Variants in SPATA16 observed in about 807,000 individuals in gnomAD.
SPATA16 encodes spermatogenesis-associated protein 16.
In SPATA16, 36 loss-of-function variants were observed where a neutral mutation model predicts 63.3. The observed-to-expected ratio is 0.57, with a 90% confidence interval of 0.44 to 0.75. The LOEUF is 0.75. SPATA16 is among the 30% of genes least tolerant of loss of function. The pLI, the probability that SPATA16 is intolerant of heterozygous loss-of-function variation, is 0.00. For missense variants in SPATA16, 646 were observed against 679.3 expected (o/e 0.95, Z 0.54); for synonymous variants, 203 against 216.7 (o/e 0.94, Z 0.56).
chr3:172,910,927 C>T (rs1034468921), intron 10 of SPATA16, among the ~76,000 whole-genome samples: 5 of 152,198 alleles, frequency 3.3e-5, no homozygotes, highest in African/African-American at 4.8e-5. Flanking sequence ...GGTGCACTTT[C>T]GTGCCAGTTG....
At chr3:172,930,493 C>T (rs1352535659) in intron 6 of SPATA16, among the ~76,000 whole-genome samples, 1 of 151,974 alleles carries the variant, frequency 6.6e-6, no homozygotes, top group Non-Finnish European at 1.5e-5. Context: ...GTCTAAGTCC[C>T]ATCTAGCTCA....
intron 4 of SPATA16, among the ~76,000 whole-genome samples, chr3:173,013,478 C>G (rs1735115212): frequency 6.6e-6 from 1 of 152,146 alleles, no homozygotes; most frequent in South Asian, 2.1e-4. Context: ...AAAGACTGGG[C>G]CCAGAACAAA....
Position 173,068,076 on chromosome 3 carries a change from T to C in SPATA16, c.613-18982A>G, listed in dbSNP as rs1488366080. Among the ~76,000 whole-genome samples the C allele has an allele frequency of 3.4e-5, 5 of 145,606 alleles. No individual in the cohort carries two copies. The East Asian group carries it at 1.0e-3, about 30-fold the overall frequency. ...GGACTTCATCAACTCTAGGCTGGTC[T>C]TAAAAGAAGTGCTAAAGAAAGTTCT... On this transcript the variant is annotated intron_variant, in intron 2 of 10. Transcript: ENST00000351008.
chr3:173,009,349 T>C (rs1237103792), intron 4 of SPATA16, among the ~76,000 whole-genome samples: 4 of 152,136 alleles, frequency 2.6e-5, no homozygotes, highest in Non-Finnish European at 5.9e-5. Flanking sequence ...GGAATTGCCG[T>C]GTCGTGGGGG....
intron 1 of SPATA16, among the ~76,000 whole-genome samples, chr3:173,128,491 GC>G (rs139613391): frequency 0.022 from 3,405 of 152,130 alleles, 56 homozygotes; most frequent in Non-Finnish European, 0.035. Context: ...TAGGTTCCAG[GC>G]CCCACAGATT....
At chr3:173,114,226 C>T (rs1015221492) in intron 2 of SPATA16, among the ~76,000 whole-genome samples, 1 of 150,544 alleles carries the variant, frequency 6.6e-6, no homozygotes, top group Admixed American at 6.6e-5. Context: ...TCCCTCATAG[C>T]AAGCCTTCTA....
intron 2 of SPATA16, among the ~76,000 whole-genome samples, chr3:173,102,563 C>T (rs1340975169): frequency 3.9e-5 from 6 of 152,078 alleles, no homozygotes; most frequent in East Asian, 1.9e-4. Context: ...TTTTAAACAA[C>T]GAGATCTCAT....
chr3:173,103,933 C>G (rs753659698), intron 2 of SPATA16, among the ~76,000 whole-genome samples: 5 of 152,296 alleles, frequency 3.3e-5, no homozygotes, highest in Middle Eastern at 3.4e-3. Context: ...AGTCATTTAT[C>G]TGCTCCTGCA....
At chr3:173,072,411 A>G (rs1736695954) in intron 2 of SPATA16, among the ~76,000 whole-genome samples, 1 of 152,198 alleles carries the variant, frequency 6.6e-6, no homozygotes, top group Non-Finnish European at 1.5e-5. Flanking sequence ...CTGTGTCCCC[A>G]CCCAAATCTC....
chr3:173,015,873 TG>T, intron 4 of SPATA16, among the ~76,000 whole-genome samples: 1 of 151,868 alleles, frequency 6.6e-6, no homozygotes, highest in Non-Finnish European at 1.5e-5. Context: ...TGTGTGTGTG[TG>T]TGTGTGTGTG....
chr3:173,039,642 G>A (rs1735793173), intron 3 of SPATA16, among the ~76,000 whole-genome samples: 3 of 152,036 alleles, frequency 2.0e-5, no homozygotes, highest in Admixed American at 1.3e-4. Context: ...ATAAGATGAG[G>A]TTAAATTTTA....
At chr3:173,090,220 CT>C (rs1471444164) in intron 2 of SPATA16, among the ~76,000 whole-genome samples, 2 of 152,068 alleles carry the variant, frequency 1.3e-5, no homozygotes, top group African/African-American at 4.8e-5. Context: ...TAGTGAGTGG[CT>C]TGTCATGAGA....
intron 4 of SPATA16, among the ~76,000 whole-genome samples, chr3:173,001,273 T>TTTTTTTGTTTTG (rs1014351213): frequency 6.6e-6 from 1 of 151,330 alleles, no homozygotes; most frequent in African/African-American, 2.4e-5. Flanking sequence ...CAGTTGTTTT[T>TTTTTTTGTTTTG]TTTTTTTTGT....
intron 3 of SPATA16, among the ~76,000 whole-genome samples, chr3:173,025,734 T>C (rs1735436881): frequency 6.6e-6 from 1 of 152,010 alleles, no homozygotes; most frequent in Non-Finnish European, 1.5e-5. Flanking sequence ...TACGGCTTCT[T>C]TCACTTAGAA....
intron 3 of SPATA16, among the ~76,000 whole-genome samples, chr3:173,028,013 CCCTTCCTTCTTTCCTT>C (rs1490453672): frequency 2.0e-4 from 7 of 35,068 alleles, no homozygotes; most frequent in East Asian, 9.7e-4. Flanking sequence ...CTCCCTCCCT[CCCTTCCTTCTTTCCTT>C]CCTTCCTTCC....
At chr3:172,923,396 G>A (rs1455132642) in intron 8 of SPATA16, among the ~76,000 whole-genome samples, 1 of 152,192 alleles carries the variant, frequency 6.6e-6, no homozygotes, top group Non-Finnish European at 1.5e-5. Context: ...CAGATAAACT[G>A]CTGAACAGAT....
chr3:172,935,023 T>C (rs906554047), intron 6 of SPATA16, among the ~76,000 whole-genome samples: 2 of 152,074 alleles, frequency 1.3e-5, no homozygotes, highest in African/African-American at 4.8e-5. Context: ...ATGAGAGATA[T>C]AAACATTGGA....
At chr3:173,102,183 C>T (rs2108326277) in intron 2 of SPATA16, among the ~76,000 whole-genome samples, 1 of 152,296 alleles carries the variant, frequency 6.6e-6, no homozygotes, top group East Asian at 1.9e-4. Context: ...TTTCAAGTCT[C>T]AAATTCCTCA....
intron 2 of SPATA16, among the ~76,000 whole-genome samples, chr3:173,089,360 A>C (rs1200319501): frequency 1.3e-5 from 2 of 152,184 alleles, no homozygotes; most frequent in African/African-American, 4.8e-5. Flanking sequence ...AGTTTATTTT[A>C]GCTTCACTAT....
Sources: gnomAD v4.1 joint callset for allele counts (sites outside exome capture counted in the v4.1 genomes callset) on GRCh38, gnomAD v4.1.1 for gene constraint, MANE v1.5 for transcripts, NCBI Gene and HGNC (gene_info 2026-07-23, HGNC 2026-07-21) for gene names.